The following VTI1A variants were observed in gnomAD, a reference collection of about 807,000 sequenced individuals.
The protein encoded by VTI1A is vesicle transport through interaction with t-SNAREs 1A.
VTI1A carries 22 observed loss-of-function variants against 34.9 expected under a neutral mutation model. That is an observed-to-expected ratio of 0.63 (90% CI 0.45 to 0.90). VTI1A has a LOEUF of 0.90. VTI1A is among the 40% of genes least tolerant of loss of function. The pLI, the probability that VTI1A is intolerant of heterozygous loss-of-function variation, is 0.00. For synonymous variants in VTI1A, 87 were observed against 97.3 expected (o/e 0.89, Z 0.62); for missense variants, 268 against 275.6 (o/e 0.97, Z 0.20).
intron 3 of VTI1A, among the ~76,000 whole-genome samples, chr10:112,498,580 A>G (rs1849110927): frequency 6.6e-6 from 1 of 152,216 alleles, no homozygotes; most frequent in Admixed American, 6.5e-5. Flanking sequence ...TTAGAGGAAC[A>G]AAATGACCAT....
chr10:112,584,483 T>C (rs1844073290), intron 5 of VTI1A, among the ~76,000 whole-genome samples: 1 of 152,208 alleles, frequency 6.6e-6, no homozygotes, highest in African/African-American at 2.4e-5. Flanking sequence ...GGTTCACTTC[T>C]GGAGAGAAGA....
intron 3 of VTI1A, among the ~76,000 whole-genome samples, chr10:112,494,523 TTCC>T (rs1393007115): frequency 2.0e-5 from 3 of 152,088 alleles, no homozygotes; most frequent in Non-Finnish European, 4.4e-5. Context: ...TCCTCCTTCT[TTCC>T]TCCTCCTTTC....
intron 3 of VTI1A, among the ~76,000 whole-genome samples, chr10:112,473,054 T>C (rs1248782933): frequency 1.3e-5 from 2 of 151,588 alleles, no homozygotes; most frequent in Non-Finnish European, 2.9e-5. Context: ...CCTTCTCCCT[T>C]GCATAATTTA....
chr10:112,453,584 T>C (rs1389067799), intron 1 of VTI1A, among the ~76,000 whole-genome samples: 2 of 152,224 alleles, frequency 1.3e-5, no homozygotes, highest in Non-Finnish European at 2.9e-5. Flanking sequence ...GTTGCTCAAA[T>C]TGTTTTAGCG....
Position 112,816,111 on chromosome 10 carries a change from G to C in VTI1A, c.*728G>C, listed in dbSNP as rs1853514610. 1 of 219,466 alleles carries C rather than the reference G, an allele frequency of 4.6e-6. No individual in the cohort carries two copies. Among genetic ancestry groups the C allele is most frequent in the Admixed American group, 5.8e-5 (1 of 17,272 alleles). The allele number at this position is 219,466 out of a possible 1,614,324, so 13.6% of individuals were successfully genotyped here. A position where few individuals can be genotyped will look rare whatever the true frequency, so the allele number is the denominator to read the frequency against. On this transcript the variant is annotated 3_prime_UTR_variant, in exon 8 of 8. Coordinates refer to ENST00000393077, the MANE Select transcript of VTI1A (RefSeq NM_145206.4). ...CCAAATCCCATACTCCCCAGAATCTGCTGGCAAAGTGAGCCCTGGTACAGG... is the reference window on the plus strand; with the variant it reads ...CCAAATCCCATACTCCCCAGAATCTCCTGGCAAAGTGAGCCCTGGTACAGG...
At chr10:112,794,296 C>G (rs1369675249) in intron 7 of VTI1A, among the ~76,000 whole-genome samples, 2 of 152,226 alleles carry the variant, frequency 1.3e-5, no homozygotes, top group Middle Eastern at 3.4e-3. Flanking sequence ...TTGGCTCATG[C>G]CTGTAATCCC....
At chr10:112,847,401 T>C in the VTI1A span, among the ~76,000 whole-genome samples, 1 of 152,212 alleles carries the variant, frequency 6.6e-6, no homozygotes, top group Admixed American at 6.5e-5. Flanking sequence ...AGAGTTCTCC[T>C]TTAACACCTA....
intron 7 of VTI1A, among the ~76,000 whole-genome samples, chr10:112,745,755 A>G (rs1850875414): frequency 6.6e-6 from 1 of 152,194 alleles, no homozygotes; most frequent in African/African-American, 2.4e-5. Context: ...TTACAAAGAT[A>G]TTTGGCCAAG....
At chr10:112,639,859 G>T (rs1332394584) in intron 5 of VTI1A, among the ~76,000 whole-genome samples, 3 of 152,190 alleles carry the variant, frequency 2.0e-5, no homozygotes, top group Non-Finnish European at 4.4e-5. Context: ...TATGGCTTAT[G>T]CCAGTTTTCT....
intron 5 of VTI1A, among the ~76,000 whole-genome samples, chr10:112,551,192 A>C (rs1016176030): frequency 2.7e-5 from 4 of 146,008 alleles, no homozygotes; most frequent in African/African-American, 7.7e-5. Flanking sequence ...TGCCGTGAGC[A>C]GAGATCGCGC....
intron 7 of VTI1A, among the ~76,000 whole-genome samples, chr10:112,790,012 G>A (rs556104311): frequency 6.6e-6 from 1 of 150,534 alleles, no homozygotes; most frequent in Non-Finnish European, 1.5e-5. Context: ...GGACATTTTA[G>A]ATAATATATT....
chr10:112,573,756 G>T (rs1852226136), intron 5 of VTI1A, among the ~76,000 whole-genome samples: 1 of 152,204 alleles, frequency 6.6e-6, no homozygotes, highest in African/African-American at 2.4e-5. Context: ...CCAAGATCTA[G>T]TTGTGAAAGC....
At chr10:112,547,281 C>G (rs538971746) in intron 5 of VTI1A, among the ~76,000 whole-genome samples, 2 of 151,850 alleles carry the variant, frequency 1.3e-5, no homozygotes, top group African/African-American at 4.8e-5. Context: ...GAGCCCTTGT[C>G]TCAAAAAATA....
At chr10:112,837,562 G>T in the VTI1A span, among the ~76,000 whole-genome samples, 64 of 152,310 alleles carry the variant, frequency 4.2e-4, no homozygotes, top group African/African-American at 1.4e-3. Context: ...TTCTGCTCCA[G>T]CCTCTATCTC....
At chr10:112,737,249 CTTTTT>C in intron 7 of VTI1A, 5 of 671,466 alleles carry the variant, frequency 7.4e-6, no homozygotes, top group Middle Eastern at 7.0e-4. Context: ...TTTTGTATTT[CTTTTT>C]TTTTTTTTTT....
chr10:112,742,756 A>G (rs904912421), intron 7 of VTI1A, among the ~76,000 whole-genome samples: 8 of 152,238 alleles, frequency 5.3e-5, no homozygotes, highest in Non-Finnish European at 5.9e-5. Context: ...GTCCATTTAT[A>G]CTTCAGAGAA....
intron 5 of VTI1A, among the ~76,000 whole-genome samples, chr10:112,646,512 A>G (rs1318505350): frequency 3.3e-5 from 5 of 151,968 alleles, no homozygotes; most frequent in Non-Finnish European, 7.4e-5. Context: ...AAATCTGTGA[A>G]GAGTACCATG....
At chr10:112,447,493 G>A (rs1315780278) in intron 1 of VTI1A, 26 bp downstream of exon 1, 2 of 1,610,332 alleles carry the variant, frequency 1.2e-6, no homozygotes, top group Non-Finnish European at 1.7e-6. Flanking sequence ...GGCTGGACGA[G>A]GGTGCTGGGG....
chr10:112,459,914 A>T (rs2134039599), intron 1 of VTI1A, among the ~76,000 whole-genome samples: 1 of 152,258 alleles, frequency 6.6e-6, no homozygotes, highest in Non-Finnish European at 1.5e-5. Context: ...TCCCGTAGAT[A>T]TTTTTTATTT....
Sources: gnomAD v4.1 joint callset for allele counts (sites outside exome capture counted in the v4.1 genomes callset) on GRCh38, gnomAD v4.1.1 for gene constraint, MANE v1.5 for transcripts, NCBI Gene and HGNC (gene_info 2026-07-23, HGNC 2026-07-21) for gene names.